The following MCM3AP variants were observed in gnomAD, a reference collection of about 807,000 sequenced individuals.
MCM3AP encodes germinal-center associated nuclear protein.
Under a neutral mutation model 184.1 loss-of-function variants are expected in MCM3AP, and 126 were observed. The observed-to-expected ratio is 0.68, with a 90% CI of 0.59 to 0.79. MCM3AP has a LOEUF of 0.79. Ranked by LOEUF, MCM3AP falls within the 30% of genes least tolerant of loss-of-function variation. The probability of loss-of-function intolerance (pLI) is 0.00; values close to 1 mark genes in which losing one functional copy is unlikely to be tolerated. For missense variants in MCM3AP, 2,496 were observed against 2,479.2 expected, an observed-to-expected ratio of 1.01 and a Z score of -0.14; for synonymous variants, 1,002 against 979.3, an observed-to-expected ratio of 1.02 and a Z score of -0.43.
rs1350342141 is a variant in MCM3AP, at chr21:46,251,692, T to A, written c.4137-10A>T. 23 of 1,530,068 alleles carry A rather than the reference T, an allele frequency of 1.5e-5. No individual in the cohort carries two copies. The highest frequency in any genetic ancestry group is 4.2e-5 in the African/African-American group (3 of 71,696). 94.8% of individuals were successfully genotyped at this position (1,530,068 alleles called of 1,614,324 possible). On this transcript the variant is annotated splice_polypyrimidine_tract_variant and intron_variant, in intron 19 of 27. Coordinates refer to ENST00000291688, the MANE Select transcript of MCM3AP (RefSeq NM_003906.5). ...CCAATTTGCTAGAATTCTACAGATT[T>A]AAAAAAAACAAAAAACAAAAAAAAC...
At chr21:46,285,953 T>C (rs1236966163), upstream of MCM3AP, 1 of 152,466 alleles carries the variant, frequency 6.6e-6, no homozygotes, top group Non-Finnish European at 1.5e-5. Context: ...GGGAGCCTAA[T>C]CTTCCACCCA....
intron 18 of MCM3AP, 43 bp downstream of exon 18, chr21:46,254,733 G>T: frequency 1.3e-6 from 2 of 1,571,370 alleles, no homozygotes; most frequent in Non-Finnish European, 8.8e-7. Context: ...ATTGGGGAAC[G>T]GGGATCACCA....
intron 27 of MCM3AP, chr21:46,236,200 A>T (rs2080521576): frequency 1.3e-5 from 2 of 152,224 alleles, no homozygotes; most frequent in African/African-American, 4.8e-5. Context: ...CATCATTTTA[A>T]TTTGCTTTTC....
intron 23 of MCM3AP, 164 bp from the exon 24 acceptor site, chr21:46,243,886 G>T (rs1569053262): frequency 1.5e-6 from 1 of 671,406 alleles, no homozygotes; most frequent in Non-Finnish European, 2.5e-6. Context: ...TGCTCCCAGG[G>T]TCTAGGTGAG....
intron 16 of MCM3AP, among the ~76,000 whole-genome samples, chr21:46,257,452 GTGT>G (rs1300689141): frequency 1.1e-4 from 15 of 134,272 alleles, no homozygotes; most frequent in African/African-American, 4.4e-4. Flanking sequence ...TCCAGGCTGT[GTGT>G]ACCAGCAAGG....
chr21:46,261,431 T>G lies in MCM3AP; in HGVS notation c.3336-20A>C, dbSNP rs757114757. 1.2e-6 allele frequency: 2 copies of G among 1,612,158 alleles called. No individual in the cohort carries two copies. The highest frequency in any genetic ancestry group is 1.7e-6 in the Non-Finnish European group (2 of 1,179,000). ...GAAACACTAAACGGAGCAAAGGGGATAGCATTCAAAATCAGAGTCAAGGCC... is the reference window on the plus strand; with the variant it reads ...GAAACACTAAACGGAGCAAAGGGGAGAGCATTCAAAATCAGAGTCAAGGCC... On this transcript the variant is annotated intron_variant, in intron 13 of 27. Coordinates refer to ENST00000291688, the MANE Select transcript of MCM3AP (RefSeq NM_003906.5).
At chr21:46,275,394 C>T in intron 5 of MCM3AP, 69 bp from the exon 6 acceptor site, 1 of 1,311,884 alleles carries the variant, frequency 7.6e-7, no homozygotes, top group Non-Finnish European at 1.0e-6. Context: ...AGTGTATTCT[C>T]ATAATGATAA....
intron 8 of MCM3AP, among the ~76,000 whole-genome samples, chr21:46,271,881 A>C (rs1007582611): frequency 2.0e-5 from 3 of 152,038 alleles, no homozygotes; most frequent in African/African-American, 7.2e-5. Flanking sequence ...TGAAATAAAA[A>C]ATTAAAATCA....
In MCM3AP at chr21:46,273,490, G is replaced by A; in HGVS notation, c.2094C>T (p.Ser698=). 1 of 1,613,942 alleles carries A rather than the reference G, an allele frequency of 6.2e-7. No individual in the cohort carries two copies. The highest frequency in any genetic ancestry group is 8.5e-7 in the Non-Finnish European group (1 of 1,179,846). ...PHELRPLPVL[S]RTMDYLVTQI... is the part of the protein sequence containing the mutation. ...GGGTCACCAGGTAGTCCATGGTCCT[G>A]CTGAGCACTGGCAAGGGCCGCAGCT... is the stretch of plus-strand genomic sequence containing the variant. Residue 698 remains serine (S), a synonymous_variant, in exon 7 of 28, where the codon AGC becomes AGT. Transcript: ENST00000291688.
Position 46,266,029 on chromosome 21 carries a change from C to A in MCM3AP, c.2927G>T (p.Arg976Leu). The change falls in exon 11 of 28, where the codon CGT becomes CTT. Residue 976 changes from arginine to leucine, a missense_variant. Arg to Leu is a moderately radical substitution (Grantham distance 102, BLOSUM62 -2). This residue lies in a region of MCM3AP where 1,323 missense variants were observed against 1,273.4 expected (regional missense o/e 1.04). Coordinates refer to ENST00000291688, the MANE Select transcript of MCM3AP (RefSeq NM_003906.5). The stretch of plus-strand genomic sequence containing the variant: ...GTTGAAGCTGCACACAGGGGTATGA[C>A]GAGGGACGGGGGGCAATGGCCCTCC... ...VNGGPLPPVP[R>L]HTPVCSFNSQ... The A allele has an allele frequency of 1.2e-6, 2 of 1,611,954 alleles. No homozygotes were observed. The highest frequency in any genetic ancestry group is 1.7e-6 in the Non-Finnish European group (2 of 1,179,098).
chr21:46,240,680 TA>T, intron 26 of MCM3AP, 130 bp downstream of exon 26: 1 of 767,832 alleles, frequency 1.3e-6, no homozygotes. Context: ...GTTACATCAC[TA>T]AAACTGTTGC....
intron 13 of MCM3AP, among the ~76,000 whole-genome samples, chr21:46,262,187 G>A (rs147422426): frequency 6.6e-6 from 1 of 152,326 alleles, no homozygotes; most frequent in African/African-American, 2.4e-5. Flanking sequence ...AGAAAGGTAT[G>A]AGACCAGAAG....
chr21:46,282,858 G>C (rs1412796849), intron 2 of MCM3AP, among the ~76,000 whole-genome samples: 1 of 152,042 alleles, frequency 6.6e-6, no homozygotes, highest in Non-Finnish European at 1.5e-5. Flanking sequence ...TTTAAAGTCA[G>C]GATACAAACC....
intron 25 of MCM3AP, 21 bp from the exon 26 acceptor site, chr21:46,241,038 A>T (rs1161932048): frequency 6.4e-7 from 1 of 1,556,892 alleles, no homozygotes; most frequent in East Asian, 2.2e-5. Context: ...ATGATTTGAA[A>T]TGTTTATGGT....
intron 2 of MCM3AP, among the ~76,000 whole-genome samples, chr21:46,281,111 T>C (rs1369122075): frequency 6.6e-6 from 1 of 152,196 alleles, no homozygotes; most frequent in African/African-American, 2.4e-5. Flanking sequence ...CGGCCCCTTT[T>C]TTTTAATTAA....
At chr21:46,278,609 C>T (rs1338994274) in intron 4 of MCM3AP, among the ~76,000 whole-genome samples, 4 of 152,108 alleles carry the variant, frequency 2.6e-5, no homozygotes, top group Non-Finnish European at 5.9e-5. Context: ...CTAACATGGC[C>T]GACCGTGTCT....
chr21:46,255,478 AG>A (rs2080936980), intron 17 of MCM3AP, among the ~76,000 whole-genome samples: 1 of 152,088 alleles, frequency 6.6e-6, no homozygotes. Context: ...GCTGGCAGAC[AG>A]GTGCTGCAGC....
rs1331122782 is a variant in MCM3AP at position 46,284,496 on chromosome 21, T to C, written c.791A>G (p.Gln264Arg). Residue 264 changes from glutamine to arginine, a missense_variant, in exon 1 of 28, where the codon CAG (glutamine) becomes CGG (arginine). Physicochemically the swap from Gln to Arg is conservative, Grantham distance 43. Transcript: ENST00000291688. ...CTGCCTGACACCTGCTTTGCTAGCC[T>C]GGAAAGGTTCGCCCAAAACCGCAGA... ...VSSAVLGEPF[Q>R]ASKAGVRQGC... 1.2e-6 allele frequency: 2 copies of C among 1,614,192 alleles called. No individual in the cohort carries two copies. Among genetic ancestry groups the C allele is most frequent in the Non-Finnish European group, 8.5e-7 (1 of 1,180,038 alleles).
chr21:46,250,638 A>G (rs1219970982), intron 20 of MCM3AP: 2 of 152,218 alleles, frequency 1.3e-5, no homozygotes, highest in African/African-American at 4.8e-5. Flanking sequence ...GAATCCTGAC[A>G]CAAGCTCACT....
Sources: allele counts gnomAD v4.1 joint callset (sites outside exome capture counted in the v4.1 genomes callset), GRCh38; gene constraint gnomAD v4.1.1; regional missense constraint gnomAD v4.1.1; transcripts MANE v1.5; gene names NCBI Gene and HGNC (gene_info 2026-07-23, HGNC 2026-07-21).